Variants in GPC5 observed in about 807,000 individuals in gnomAD.
GPC5 encodes glypican 5, also known as glypican-5.
A neutral mutation model predicts 53.9 loss-of-function variants in GPC5; 47 were observed. The ratio of observed to expected loss-of-function variants is 0.87; its 90% CI spans 0.69 to 1.11. The LOEUF (loss-of-function observed/expected upper bound fraction) is 1.11, where lower values mean the gene tolerates loss of function less well. Ranked by LOEUF, GPC5 falls within the 50% of genes most tolerant of loss-of-function variation. The pLI is 0.00. For missense variants in GPC5, 748 were observed against 713.1 expected (o/e 1.05, Z -0.56); for synonymous variants, 286 against 263.3 (o/e 1.09, Z -0.84).
intron 6 of GPC5, among the ~76,000 whole-genome samples, chr13:91,969,520 G>A (rs749596772): frequency 6.6e-6 from 1 of 151,802 alleles, no homozygotes; most frequent in Non-Finnish European, 1.5e-5. Flanking sequence ...TAAAACAAGG[G>A]GTACTATACC....
chr13:91,614,757 G>A (rs1266061963), intron 2 of GPC5, among the ~76,000 whole-genome samples: 1 of 152,094 alleles, frequency 6.6e-6, no homozygotes, highest in Non-Finnish European at 1.5e-5. Flanking sequence ...AGTAGAAGAG[G>A]GCGATCATGA....
At chr13:91,486,040 T>G (rs1431266598) in intron 2 of GPC5, 2 of 152,260 alleles carry the variant, frequency 1.3e-5, no homozygotes, top group Non-Finnish European at 2.9e-5. Context: ...GCCTGCCACC[T>G]GGCTCAGGCT....
intron 7 of GPC5, among the ~76,000 whole-genome samples, chr13:92,199,479 TAAAAA>T (rs139575664): frequency 6.6e-6 from 1 of 152,068 alleles, no homozygotes; most frequent in Non-Finnish European, 1.5e-5. Flanking sequence ...AATTGAATAA[TAAAAA>T]AAGATATTTT....
At chr13:92,361,476 G>A (rs1201930592) in intron 7 of GPC5, among the ~76,000 whole-genome samples, 1 of 151,744 alleles carries the variant, frequency 6.6e-6, no homozygotes, top group Non-Finnish European at 1.5e-5. Flanking sequence ...CCAATAGCCA[G>A]CCTGTGGGTG....
chr13:91,605,356 GC>G (rs1177878285), intron 2 of GPC5, among the ~76,000 whole-genome samples: 3 of 140,548 alleles, frequency 2.1e-5, no homozygotes, highest in African/African-American at 8.0e-5. Flanking sequence ...GGTTACTGTA[GC>G]CTTGTAGTAT....
intron 7 of GPC5, among the ~76,000 whole-genome samples, chr13:92,829,351 T>C (rs979298132): frequency 6.6e-6 from 1 of 152,220 alleles, no homozygotes; most frequent in African/African-American, 2.4e-5. Context: ...TATCATAAAG[T>C]ATTATTTCCA....
At chr13:92,790,236 C>G (rs1387023634) in intron 7 of GPC5, among the ~76,000 whole-genome samples, 1 of 152,024 alleles carries the variant, frequency 6.6e-6, no homozygotes, top group Non-Finnish European at 1.5e-5. Flanking sequence ...ATCCCTCAGT[C>G]CAATCAAGTT....
At chr13:91,658,332 A>G (rs2034897717) in intron 2 of GPC5, among the ~76,000 whole-genome samples, 1 of 152,046 alleles carries the variant, frequency 6.6e-6, no homozygotes, top group South Asian at 2.1e-4. Flanking sequence ...TTATGGCCTT[A>G]GCCATAGCAC....
At chr13:92,543,903 C>T (rs1439930840) in intron 7 of GPC5, among the ~76,000 whole-genome samples, 1 of 151,876 alleles carries the variant, frequency 6.6e-6, no homozygotes, top group African/African-American at 2.4e-5. Flanking sequence ...GCACAAGATT[C>T]TCCAGTTTCA....
intron 2 of GPC5, among the ~76,000 whole-genome samples, chr13:91,531,883 C>T (rs1303234962): frequency 6.6e-6 from 1 of 152,186 alleles, no homozygotes; most frequent in African/African-American, 2.4e-5. Context: ...GAAACACTCT[C>T]TTTCATTGTT....
intron 2 of GPC5, among the ~76,000 whole-genome samples, chr13:91,559,606 A>C (rs909239518): frequency 2.6e-5 from 4 of 152,198 alleles, no homozygotes; most frequent in African/African-American, 7.2e-5. Flanking sequence ...GAATGTGTAC[A>C]TATACTTGGA....
intron 7 of GPC5, chr13:92,701,310 T>A (rs2139250201): frequency 6.6e-6 from 1 of 152,272 alleles, no homozygotes; most frequent in Middle Eastern, 3.4e-3. Flanking sequence ...AAATATTATG[T>A]CTCTTTCACC....
intron 6 of GPC5, among the ~76,000 whole-genome samples, chr13:91,927,831 T>C (rs2039783524): frequency 6.6e-6 from 1 of 152,198 alleles, no homozygotes. Flanking sequence ...ATTTTATCAC[T>C]GGGATAAGGA....
chr13:92,124,220 G>A (rs2041674914), intron 6 of GPC5, among the ~76,000 whole-genome samples: 1 of 115,320 alleles, frequency 8.7e-6, no homozygotes, highest in Non-Finnish European at 1.6e-5. Context: ...AGAATTATCA[G>A]CCCTCCCATC....
At chr13:92,479,924 T>A (rs1879286900) in intron 7 of GPC5, among the ~76,000 whole-genome samples, 1 of 152,114 alleles carries the variant, frequency 6.6e-6, no homozygotes, top group Non-Finnish European at 1.5e-5. Flanking sequence ...TGGTCAAAAA[T>A]TTTAAAAGTA....
At chr13:91,719,204 A>T (rs372505671) in intron 3 of GPC5, among the ~76,000 whole-genome samples, 1 of 152,232 alleles carries the variant, frequency 6.6e-6, no homozygotes, top group Admixed American at 6.5e-5. Flanking sequence ...GTGTTCTAGA[A>T]TCTGCAGTTG....
chr13:92,447,699 T>G (rs921440583), intron 7 of GPC5: 3 of 152,150 alleles, frequency 2.0e-5, no homozygotes, highest in African/African-American at 4.8e-5. Flanking sequence ...CTTCGCATTT[T>G]AAAGATGACA....
At chr13:91,603,489 A>G (rs1206893498) in intron 2 of GPC5, among the ~76,000 whole-genome samples, 1 of 152,236 alleles carries the variant, frequency 6.6e-6, no homozygotes, top group Non-Finnish European at 1.5e-5. Context: ...TGATCTCACA[A>G]AATTCTCAAT....
intron 7 of GPC5, among the ~76,000 whole-genome samples, chr13:92,304,313 TC>T (rs1207374445): frequency 6.6e-6 from 1 of 151,924 alleles, no homozygotes; most frequent in African/African-American, 2.4e-5. Context: ...CACATCATTC[TC>T]CTGCCTCAGC....
Sources: allele counts gnomAD v4.1 joint callset (sites outside exome capture counted in the v4.1 genomes callset), GRCh38; gene constraint gnomAD v4.1.1; transcripts MANE v1.5; gene names NCBI Gene and HGNC (gene_info 2026-07-23, HGNC 2026-07-21).